The following BBIP1 variants were observed in gnomAD, a reference collection of about 807,000 sequenced individuals.
The protein encoded by BBIP1 is BBSome interacting protein 1.
A neutral mutation model predicts 8.9 loss-of-function variants in BBIP1; 6 were observed. The observed-to-expected ratio is 0.67, with a 90% confidence interval of 0.37 to 1.33. BBIP1 has a LOEUF of 1.33. BBIP1 is among the 40% of genes most tolerant of loss of function. The probability of loss-of-function intolerance (pLI) is 0.02; values close to 1 mark genes in which losing one functional copy is unlikely to be tolerated. For missense variants in BBIP1, 111 were observed against 109.2 expected (o/e 1.02, Z -0.07); for synonymous variants, 32 against 33.4 (o/e 0.96, Z 0.14).
rs115719331 is a variant in BBIP1 at position 110,909,022 on chromosome 10, A to G, written c.38-7410T>C. ...AACTGAGCACCTAGCTACACTGTGA[A>G]ATCATAAAGCTAGGGAAAGACAAGA... On this transcript the variant is annotated intron_variant, in intron 2 of 3. Transcript: ENST00000448814. 5.2e-3 allele frequency among the ~76,000 whole-genome samples: 787 copies of G among 152,326 alleles called. 8 individuals carry two copies. Among genetic ancestry groups the G allele is most frequent in the African/African-American group, 0.018 (754 of 41,572 alleles).
chr10:110,918,619 C>T (rs1846502559), intron 1 of BBIP1, among the ~76,000 whole-genome samples: 1 of 152,256 alleles, frequency 6.6e-6, no homozygotes, highest in African/African-American at 2.4e-5. Flanking sequence ...GCCCATTCCC[C>T]GCTGGGGTCC....
intron 2 of BBIP1, among the ~76,000 whole-genome samples, chr10:110,917,581 T>C (rs546144069): frequency 6.6e-6 from 1 of 152,320 alleles, no homozygotes; most frequent in East Asian, 1.9e-4. Flanking sequence ...CAGAAAGACT[T>C]CACAGGGGAA....
At position 110,900,417 on chromosome 10, in the gene BBIP1, C is replaced by G; in HGVS notation, c.222G>C (p.Gln74His). ...CCATTTCTTGTTGGCGAATTGTATTCTGTGCTGCTTGATGCATTTTCTCTA... is the reference window on the plus strand; with the variant it reads ...CCATTTCTTGTTGGCGAATTGTATTGTGTGCTGCTTGATGCATTTTCTCTA... Reference protein sequence around the residue: ...EKLEKMHQAAQNTIRQQEMAE... With the variant: ...EKLEKMHQAAHNTIRQQEMAE... Residue 74 changes from glutamine (Q) to histidine (H), a missense_variant, in exon 4 of 4, where the codon CAG (glutamine) becomes CAC (histidine). Gln to His is a conservative substitution (Grantham distance 24, BLOSUM62 0). Coordinates refer to ENST00000448814, the MANE Select transcript of BBIP1 (RefSeq NM_001195305.3). 3.3e-6 allele frequency: 5 copies of G among 1,535,800 alleles called. No homozygotes were observed. The highest frequency in any genetic ancestry group is 4.4e-6 in the Non-Finnish European group (5 of 1,146,806).
intron 2 of BBIP1, among the ~76,000 whole-genome samples, chr10:110,916,696 T>C (rs1309111291): frequency 1.3e-5 from 2 of 152,204 alleles, no homozygotes; most frequent in Non-Finnish European, 1.5e-5. Context: ...GTCTGCAGGG[T>C]GCCAGGAGTT....
Position 110,899,154 on chromosome 10 carries a change from T to A in BBIP1, c.*1206A>T, listed in dbSNP as rs1407340708. On this transcript the variant is annotated 3_prime_UTR_variant, in exon 4 of 4. Coordinates refer to ENST00000448814, the MANE Select transcript of BBIP1 (RefSeq NM_001195305.3). ...AGAATGATCATATTTTTAACCTCTT[T>A]TACATAGCCTAATAACTCAGCAAGG... 10 of 152,198 alleles carry A rather than the reference T, an allele frequency of 6.6e-5. No individual in the cohort carries two copies. Among genetic ancestry groups the A allele is most frequent in the Admixed American group, 3.9e-4 (6 of 15,278 alleles). The allele number at this position is 152,198 out of a possible 1,614,324, so 9.4% of individuals were successfully genotyped here.
At chr10:110,914,123 A>T (rs542749285) in intron 2 of BBIP1, among the ~76,000 whole-genome samples, 1 of 152,186 alleles carries the variant, frequency 6.6e-6, no homozygotes, top group South Asian at 2.1e-4. Flanking sequence ...CTGACTTTGC[A>T]ACTACAGTAA....
rs1416863901 is a variant in BBIP1 at position 110,898,800 on chromosome 10, AT to A, written c.*1559del. Reference sequence around the variant, plus strand: ...CTTAAACTTTAATTTCACACAGTAAATTTTGAATCTCATAAGGAAGCATATT... The same window carrying A: ...CTTAAACTTTAATTTCACACAGTAAATTTGAATCTCATAAGGAAGCATATT... On this transcript the variant is annotated 3_prime_UTR_variant, in exon 4 of 4. Coordinates refer to ENST00000448814, the MANE Select transcript of BBIP1 (RefSeq NM_001195305.3). 6.6e-6 allele frequency: 1 copy of A among 152,590 alleles called. No homozygotes were observed. Among genetic ancestry groups the A allele is most frequent in the African/African-American group, 2.4e-5 (1 of 41,414 alleles). The allele number at this position is 152,590 out of a possible 1,614,324, so 9.5% of individuals were successfully genotyped here.
rs1200360170 is a variant in BBIP1 at position 110,919,159 on chromosome 10, G to A, written c.-95C>T. ...CCCAGACGGCTCAGCTGTTGCCCCG[G>A]GTAACGGTGAGACTGGCGAAGGAAA... On this transcript the variant is annotated 5_prime_UTR_variant, in exon 1 of 4. Transcript: ENST00000448814. 6.3e-6 allele frequency: 1 copy of A among 157,530 alleles called. No individual in the cohort carries two copies. The highest frequency in any genetic ancestry group is 1.4e-5 in the Non-Finnish European group (1 of 71,776). The allele number at this position is 157,530 out of a possible 1,614,324, so 9.8% of individuals were successfully genotyped here.
intron 2 of BBIP1, chr10:110,903,681 T>C (rs1846061095): frequency 6.6e-6 from 1 of 152,416 alleles, no homozygotes; most frequent in African/African-American, 2.4e-5. Flanking sequence ...TAGGTGGTTC[T>C]GTCATGGTGC....
At chr10:110,906,273 T>A (rs560212130) in intron 2 of BBIP1, among the ~76,000 whole-genome samples, 2 of 152,360 alleles carry the variant, frequency 1.3e-5, no homozygotes, top group Non-Finnish European at 2.9e-5. Flanking sequence ...CCCAAAGTGC[T>A]GGGATTACAG....
At chr10:110,902,934 T>C (rs61864565) in intron 2 of BBIP1, 3 of 151,330 alleles carry the variant, frequency 2.0e-5, no homozygotes, top group Non-Finnish European at 3.0e-5. Flanking sequence ...TTTTTTTTTT[T>C]CCAGGTTAGG....
At chr10:110,919,325 A>G (rs955682212), upstream of BBIP1, 1 of 357,270 alleles carries the variant, frequency 2.8e-6, no homozygotes. Flanking sequence ...TAGCCCGGCT[A>G]GCCAGAGGCG....
In BBIP1 at chr10:110,900,443, G is replaced by T. The variant is rs1245827968; in HGVS notation, c.196C>A (p.Leu66Ile). 6.5e-7 allele frequency: 1 copy of T among 1,535,636 alleles called. No individual in the cohort carries two copies. The highest frequency in any genetic ancestry group is 8.7e-7 in the Non-Finnish European group (1 of 1,146,772). Residue 66 changes from leucine to isoleucine, a missense_variant, in exon 4 of 4, where the codon CTA (leucine) becomes ATA (isoleucine). Transcript: ENST00000448814. Reference protein sequence around the residue: ...LPLKSLTLEKLEKMHQAAQNT... With the variant: ...LPLKSLTLEKIEKMHQAAQNT... ...TGTGCTGCTTGATGCATTTTCTCTA[G>T]TTTTTCCAGAGTCAGAGATTTTAAG... is the stretch of plus-strand genomic sequence containing the variant.
intron 3 of BBIP1, chr10:110,901,292 T>G (rs373901990): frequency 4.1e-6 from 2 of 490,596 alleles, no homozygotes; most frequent in East Asian, 3.8e-5. Context: ...TAAAAAAAAT[T>G]CATATTGTAA....
At chr10:110,901,143 T>C (rs1251878019) in intron 3 of BBIP1, 2 of 455,088 alleles carry the variant, frequency 4.4e-6, no homozygotes, top group South Asian at 1.6e-5. Flanking sequence ...AAGAACAAAT[T>C]AGCCAGGCAT....
intron 2 of BBIP1, chr10:110,904,968 C>T (rs1846094284): frequency 6.6e-6 from 1 of 152,184 alleles, no homozygotes; most frequent in Non-Finnish European, 1.5e-5. Flanking sequence ...TTTTTGAAGG[C>T]CTTGGTTTAG....
intron 3 of BBIP1, chr10:110,901,325 A>C (rs1228066666): frequency 3.8e-5 from 21 of 548,308 alleles, no homozygotes; most frequent in Non-Finnish European, 6.9e-5. Context: ...GGAATTAGCT[A>C]ATTAATAGGC....
At chr10:110,917,317 A>G (rs560318253) in intron 2 of BBIP1, among the ~76,000 whole-genome samples, 16 of 151,908 alleles carry the variant, frequency 1.1e-4, no homozygotes, top group Non-Finnish European at 1.6e-4. Flanking sequence ...AGCTGAAATA[A>G]TGATATTGTG....
At chr10:110,915,079 A>G (rs1846368747) in intron 2 of BBIP1, among the ~76,000 whole-genome samples, 1 of 152,232 alleles carries the variant, frequency 6.6e-6, no homozygotes, top group Non-Finnish European at 1.5e-5. Context: ...ATCGCATCAA[A>G]ACTCCCTGTA....
Sources: gnomAD v4.1 joint callset for allele counts (sites outside exome capture counted in the v4.1 genomes callset) on GRCh38, gnomAD v4.1.1 for gene constraint, MANE v1.5 for transcripts, NCBI Gene and HGNC (gene_info 2026-07-23, HGNC 2026-07-21) for gene names.